ZC3H18: variants seen among roughly 807,000 people sequenced by gnomAD.
ZC3H18 encodes zinc finger CCCH-type containing 18, also known as zinc finger CCCH domain-containing protein 18.
A neutral mutation model predicts 106.1 loss-of-function variants in ZC3H18; 8 were observed. The ratio of observed to expected loss-of-function variants is 0.08; its 90% CI spans 0.04 to 0.14. The LOEUF is 0.14. ZC3H18 is among the 10% of genes least tolerant of loss of function. The pLI is 1.00. For synonymous variants in ZC3H18, 635 were observed against 522.1 expected, an observed-to-expected ratio of 1.22 and a Z score of -2.95; for missense variants, 1,318 against 1,278.4, an observed-to-expected ratio of 1.03 and a Z score of -0.47.
At chr16:88,584,797 T>G (rs1915339772) in intron 2 of ZC3H18, among the ~76,000 whole-genome samples, 1 of 152,208 alleles carries the variant, frequency 6.6e-6, no homozygotes, top group Non-Finnish European at 1.5e-5. Flanking sequence ...TGAATGTTGG[T>G]GGTTACATCT....
chr16:88,599,535 A>G (rs1904633647), intron 5 of ZC3H18, among the ~76,000 whole-genome samples: 1 of 152,182 alleles, frequency 6.6e-6, no homozygotes, highest in Non-Finnish European at 1.5e-5. Flanking sequence ...TTCCAAGGGT[A>G]GTTGAAGGAA....
At chr16:88,581,198 C>A (rs1047663182) in intron 2 of ZC3H18, among the ~76,000 whole-genome samples, 2 of 152,194 alleles carry the variant, frequency 1.3e-5, no homozygotes, top group Non-Finnish European at 2.9e-5. Context: ...GATGGGGTCT[C>A]ACTATGTTGC....
intron 3 of ZC3H18, among the ~76,000 whole-genome samples, chr16:88,591,466 G>A (rs1915748555): frequency 6.6e-6 from 1 of 152,088 alleles, no homozygotes; most frequent in East Asian, 1.9e-4. Context: ...CAGCTATTTG[G>A]GAGGCCAAAG....
chr16:88,585,639 G>C (rs908616132), intron 2 of ZC3H18, among the ~76,000 whole-genome samples: 7 of 152,340 alleles, frequency 4.6e-5, no homozygotes, highest in Admixed American at 4.6e-4. Context: ...AGAGGAGAGG[G>C]AAGAACGCGG....
intron 2 of ZC3H18, among the ~76,000 whole-genome samples, chr16:88,583,796 C>T (rs530429400): frequency 1.3e-5 from 2 of 152,268 alleles, no homozygotes; most frequent in South Asian, 4.1e-4. Flanking sequence ...TGTTGAGAGC[C>T]CCACGGGCAC....
chr16:88,629,791 T>C (rs1906544720), intron 16 of ZC3H18, among the ~76,000 whole-genome samples: 2 of 152,104 alleles, frequency 1.3e-5, no homozygotes, highest in Non-Finnish European at 2.9e-5. Flanking sequence ...TGGGTGGAGC[T>C]CAAACCAGAT....
rs1904649289 is a variant in ZC3H18 at position 88,599,787 on chromosome 16, G to A, written c.931-4G>A. The A allele has an allele frequency of 2.5e-6, 4 of 1,605,514 alleles. No individual in the cohort carries two copies. Among genetic ancestry groups the A allele is most frequent in the South Asian group, 2.2e-5 (2 of 89,710 alleles). The stretch of plus-strand genomic sequence containing the variant: ...TGTTGACTTCTTTCTTCTTACAATG[G>A]TAGGTTTTAAAAAAAGCAACTATTC... On this transcript the variant is annotated splice_region_variant and splice_polypyrimidine_tract_variant and intron_variant, in intron 5 of 17. Transcript: ENST00000301011.
Position 88,631,140 on chromosome 16 carries a change from G to A in ZC3H18, c.2703G>A (p.Lys901=), listed in dbSNP as rs752776753. ...CACCCCAGTCCAAGAGCTCCAGCAA[G>A]GTCACGAGCGTGCCCGGCAAAGCCT... ...QLSPQSKSSS[K]VTSVPGKASD... Residue 901 remains lysine, a synonymous_variant, in exon 18 of 18, where the codon AAG becomes AAA. Transcript: ENST00000301011. The A allele has an allele frequency of 9.3e-6, 15 of 1,613,094 alleles. No individual in the cohort carries two copies. The highest frequency in any genetic ancestry group is 1.8e-4 in the Middle Eastern group (1 of 5,702).
At chr16:88,609,659 G>T (rs1349535442) in intron 7 of ZC3H18, among the ~76,000 whole-genome samples, 1 of 152,072 alleles carries the variant, frequency 6.6e-6, no homozygotes, top group African/African-American at 2.4e-5. Context: ...GAGTTCAGTG[G>T]CGTGATCTCA....
intron 8 of ZC3H18, among the ~76,000 whole-genome samples, chr16:88,619,538 C>G (rs1905829557): frequency 6.6e-6 from 1 of 152,162 alleles, no homozygotes; most frequent in Admixed American, 6.5e-5. Flanking sequence ...CTCTGGCCAT[C>G]TTCATTTTGA....
chr16:88,616,692 G>C (rs1333921991), intron 8 of ZC3H18, among the ~76,000 whole-genome samples: 2 of 152,158 alleles, frequency 1.3e-5, no homozygotes, highest in Admixed American at 1.3e-4. Flanking sequence ...TTGGCAGGTT[G>C]GGAGTTTGTA....
At chr16:88,573,402 C>T (rs915726405) in intron 1 of ZC3H18, among the ~76,000 whole-genome samples, 6 of 152,186 alleles carry the variant, frequency 3.9e-5, no homozygotes, top group Non-Finnish European at 5.9e-5. Flanking sequence ...CACAACCCCA[C>T]GCAGACTCCC....
intron 8 of ZC3H18, among the ~76,000 whole-genome samples, chr16:88,617,509 A>C (rs1053463542): frequency 1.3e-5 from 2 of 152,216 alleles, no homozygotes; most frequent in Non-Finnish European, 2.9e-5. Context: ...GAGGCACGTC[A>C]TTACGATGCT....
At chr16:88,609,118 T>A in intron 7 of ZC3H18, 67 bp downstream of exon 7, 5 of 1,381,536 alleles carry the variant, frequency 3.6e-6, no homozygotes, top group South Asian at 1.3e-5. Context: ...CCCTTTTTAT[T>A]TACAGTAAAA....
chr16:88,625,797 G>GACC (rs1567599948), intron 13 of ZC3H18: 1 of 33,170 alleles, frequency 3.0e-5, no homozygotes, highest in African/African-American at 2.3e-4. Flanking sequence ...CCCAGGACTT[G>GACC]ACCAGCCTGA....
chr16:88,600,002 C>T, intron 6 of ZC3H18, 54 bp downstream of exon 6: 1 of 1,597,284 alleles, frequency 6.3e-7, no homozygotes, highest in Non-Finnish European at 8.5e-7. Context: ...CGGCCACGCT[C>T]CGGAGAGAGC....
rs369876275 is a variant in ZC3H18 at position 88,576,483 on chromosome 16, G to A, written c.-14-627G>A. 2.2e-3 allele frequency among the ~76,000 whole-genome samples: 335 copies of A among 152,198 alleles called. 2 individuals carry two copies. The highest frequency in any genetic ancestry group is 7.6e-3 in the African/African-American group (314 of 41,516). On this transcript the variant is annotated intron_variant, in intron 1 of 17. Coordinates refer to ENST00000301011, the MANE Select transcript of ZC3H18 (RefSeq NM_144604.4). ...CTGAGCGGGTGAACACAGCCCTCTCGACACCTGCTGGAGGGGCCAGTGAAC... is the reference window on the plus strand; with the variant it reads ...CTGAGCGGGTGAACACAGCCCTCTCAACACCTGCTGGAGGGGCCAGTGAAC...
chr16:88,612,217 T>C (rs1905311269), intron 8 of ZC3H18, among the ~76,000 whole-genome samples: 1 of 152,116 alleles, frequency 6.6e-6, no homozygotes, highest in South Asian at 2.1e-4. Context: ...GACATTAGAG[T>C]ACTGGATGAT....
chr16:88,597,945 C>G (rs971208473), intron 3 of ZC3H18, among the ~76,000 whole-genome samples: 4 of 152,300 alleles, frequency 2.6e-5, no homozygotes, highest in African/African-American at 7.2e-5. Flanking sequence ...TCACTCTGAC[C>G]GAGGTGCCTG....
Sources: allele counts gnomAD v4.1 joint callset (sites outside exome capture counted in the v4.1 genomes callset), GRCh38; gene constraint gnomAD v4.1.1; transcripts MANE v1.5; gene names NCBI Gene and HGNC (gene_info 2026-07-23, HGNC 2026-07-21).